Variants in POLD3 observed in about 807,000 individuals in gnomAD.
The protein encoded by POLD3 is DNA polymerase delta 3, accessory subunit, also known as DNA polymerase delta subunit 3.
A neutral mutation model predicts 58.2 loss-of-function variants in POLD3; 19 were observed. The ratio of observed to expected loss-of-function variants is 0.33; its 90% confidence interval spans 0.23 to 0.48. The LOEUF (loss-of-function observed/expected upper bound fraction) is 0.48, where lower values mean the gene tolerates loss of function less well. Ranked by LOEUF, POLD3 falls within the 20% of genes least tolerant of loss-of-function variation. POLD3 has a pLI of 0.99. For missense variants in POLD3, 504 were observed against 545.5 expected, an observed-to-expected ratio of 0.92 and a Z score of 0.76; for synonymous variants, 172 against 193.5, an observed-to-expected ratio of 0.89 and a Z score of 0.92.
At chr11:74,667,842 A>C (rs1268589923) in intron 4 of POLD3, among the ~76,000 whole-genome samples, 4 of 152,230 alleles carry the variant, frequency 2.6e-5, no homozygotes, top group African/African-American at 9.6e-5. Flanking sequence ...TATATCCAGA[A>C]TCTATAAAGA....
intron 3 of POLD3, among the ~76,000 whole-genome samples, chr11:74,608,009 C>G (rs1337549048): frequency 2.6e-5 from 4 of 152,052 alleles, no homozygotes; most frequent in Admixed American, 2.0e-4. Flanking sequence ...AGAGATTCTT[C>G]CAGAGGATTA....
chr11:74,609,457 C>G (rs1378012722), intron 3 of POLD3, among the ~76,000 whole-genome samples: 2 of 143,320 alleles, frequency 1.4e-5, no homozygotes, highest in African/African-American at 5.2e-5. Context: ...TCTCAGCTCA[C>G]TGCATCCTCT....
intron 5 of POLD3, among the ~76,000 whole-genome samples, chr11:74,615,621 G>A (rs1462029771): frequency 6.6e-6 from 1 of 152,152 alleles, no homozygotes; most frequent in Non-Finnish European, 1.5e-5. Flanking sequence ...GATTGAGACG[G>A]GAAGGATATA....
intron 9 of POLD3, among the ~76,000 whole-genome samples, chr11:74,629,586 C>CT (rs59268270): frequency 0.031 from 4,539 of 144,346 alleles, 113 homozygotes; most frequent in South Asian, 0.069. Flanking sequence ...CTTTTCTTTT[C>CT]TTTTTTTTTT....
Position 74,641,280 on chromosome 11 carries a change from A to G in POLD3, c.*514A>G. 3 of 985,428 alleles carry G rather than the reference A, an allele frequency of 3.0e-6. No individual in the cohort carries two copies. Among genetic ancestry groups the G allele is most frequent in the Non-Finnish European group, 3.6e-6 (3 of 830,012 alleles). 61.0% of individuals were successfully genotyped at this position (985,428 alleles called of 1,614,324 possible). On this transcript the variant is annotated 3_prime_UTR_variant, in exon 12 of 12. Coordinates refer to ENST00000263681, the MANE Select transcript of POLD3 (RefSeq NM_006591.3). ...GAGGCTGTTCTCTGTAAGTCTTTTA[A>G]GTTTTGGTTGGACTAAAGGCTGAAG... is the stretch of plus-strand genomic sequence containing the variant.
At chr11:74,657,505 T>G (rs900218980) in intron 4 of POLD3, among the ~76,000 whole-genome samples, 33 of 108,830 alleles carry the variant, frequency 3.0e-4, no homozygotes, top group African/African-American at 1.1e-3. Context: ...TGGTGACAAC[T>G]TAACACTGAT....
downstream of POLD3, among the ~76,000 whole-genome samples, chr11:74,646,104 C>T (rs1179445828): frequency 6.6e-6 from 1 of 152,058 alleles, no homozygotes; most frequent in Non-Finnish European, 1.5e-5. Flanking sequence ...TCCCGAGTAG[C>T]TGGGACTACA....
At chr11:74,615,065 G>T (rs2032042113) in intron 5 of POLD3, among the ~76,000 whole-genome samples, 1 of 152,150 alleles carries the variant, frequency 6.6e-6, no homozygotes. Context: ...TTATCAGAGA[G>T]AATGTATAGA....
At chr11:74,596,329 A>G (rs1170150673) in intron 2 of POLD3, among the ~76,000 whole-genome samples, 1 of 151,520 alleles carries the variant, frequency 6.6e-6, no homozygotes, top group Non-Finnish European at 1.5e-5. Flanking sequence ...GACTACAGGC[A>G]TGTGCCACCA....
At position 74,601,739 on chromosome 11, in the gene POLD3, G is replaced by A. The variant is rs75098923; in HGVS notation, c.117-2953G>A. ...GGAATTCAAGGTTATAGAGAGCTGC[G>A]CCACTGCACTTCAGCCTGGGCGACA... On this transcript the variant is annotated intron_variant, in intron 2 of 11. Coordinates refer to ENST00000263681, the MANE Select transcript of POLD3 (RefSeq NM_006591.3). Among the ~76,000 whole-genome samples the A allele has an allele frequency of 8.7e-3, 1,326 of 152,186 alleles. 28 individuals carry two copies. Among genetic ancestry groups the A allele is most frequent in the African/African-American group, 0.03 (1,247 of 41,520 alleles).
intron 2 of POLD3, 32 bp from the exon 3 acceptor site, chr11:74,604,660 G>A (rs990778543): frequency 1.5e-5 from 17 of 1,123,186 alleles, no homozygotes; most frequent in Non-Finnish European, 1.9e-5. Flanking sequence ...TCTTACTGAT[G>A]TCTTACTTGT....
At position 74,601,723 on chromosome 11, in the gene POLD3, G is replaced by C. The variant is rs140709217; in HGVS notation, c.117-2969G>C. 2.8e-3 allele frequency among the ~76,000 whole-genome samples: 427 copies of C among 152,280 alleles called. 2 individuals carry two copies. Among genetic ancestry groups the C allele is most frequent in the African/African-American group, 9.7e-3 (402 of 41,550 alleles). ...GGATGGCTTGAGCCCAGGAATTCAA[G>C]GTTATAGAGAGCTGCGCCACTGCAC... On this transcript the variant is annotated intron_variant, in intron 2 of 11. Coordinates refer to ENST00000263681, the MANE Select transcript of POLD3 (RefSeq NM_006591.3).
chr11:74,642,997 T>G lies in POLD3; in HGVS notation c.*2231T>G. Reference sequence around the variant, plus strand: ...TTGGCTTCATCACTTGCTAGCTGTATGACTGTGGGCAAGTTTCACAGCCTC... The same window carrying G: ...TTGGCTTCATCACTTGCTAGCTGTAGGACTGTGGGCAAGTTTCACAGCCTC... On this transcript the variant is annotated 3_prime_UTR_variant, in exon 12 of 12. Transcript: ENST00000263681. 1.1e-6 allele frequency: 1 copy of G among 918,376 alleles called. No individual in the cohort carries two copies. The highest frequency in any genetic ancestry group is 1.3e-6 in the Non-Finnish European group (1 of 768,794). The allele number at this position is 918,376 out of a possible 1,614,324, so 56.9% of individuals were successfully genotyped here.
At chr11:74,649,565 T>C (rs919454538) in intron 4 of POLD3, among the ~76,000 whole-genome samples, 1 of 152,202 alleles carries the variant, frequency 6.6e-6, no homozygotes, top group African/African-American at 2.4e-5. Flanking sequence ...TGCTGTGAAC[T>C]CCAAAGCTCA....
At chr11:74,636,017 T>C (rs2032739167) in intron 10 of POLD3, among the ~76,000 whole-genome samples, 180 bp from the exon 11 acceptor site, 1 of 152,254 alleles carries the variant, frequency 6.6e-6, no homozygotes, top group Non-Finnish European at 1.5e-5. Flanking sequence ...CCTGTGTATA[T>C]AGTGGGCGTA....
At chr11:74,664,863 G>GCCT (rs1391741500) in intron 4 of POLD3, among the ~76,000 whole-genome samples, 1 of 152,158 alleles carries the variant, frequency 6.6e-6, no homozygotes, top group Non-Finnish European at 1.5e-5. Context: ...ACTTTGAGAG[G>GCCT]CCTAGGTGGG....
intron 7 of POLD3, 149 bp downstream of exon 7, chr11:74,620,238 T>C: frequency 1.6e-6 from 1 of 635,742 alleles, no homozygotes; most frequent in African/African-American, 1.8e-5. Context: ...GCCCAATATA[T>C]TGATGAAAGT....
At position 74,641,465 on chromosome 11, in the gene POLD3, A is replaced by C; in HGVS notation, c.*699A>C. 1.0e-6 allele frequency: 1 copy of C among 985,452 alleles called. No homozygotes were observed. The highest frequency in any genetic ancestry group is 1.2e-6 in the Non-Finnish European group (1 of 829,950). The allele number at this position is 985,452 out of a possible 1,614,324, so 61.0% of individuals were successfully genotyped here. A position where few individuals can be genotyped will look rare whatever the true frequency, so the allele number is the denominator to read the frequency against. The stretch of plus-strand genomic sequence containing the variant: ...AAAGCCTCAGGCAGAACACAAATAG[A>C]AATTTAATGATGTGTTCAACTCCAC... On this transcript the variant is annotated 3_prime_UTR_variant, in exon 12 of 12. Coordinates refer to ENST00000263681, the MANE Select transcript of POLD3 (RefSeq NM_006591.3).
chr11:74,639,551 T>C (rs1411932614), intron 11 of POLD3, among the ~76,000 whole-genome samples: 1 of 152,250 alleles, frequency 6.6e-6, no homozygotes, highest in Non-Finnish European at 1.5e-5. Context: ...GAGAAAGAAT[T>C]TAGATAGCAT....
Sources: gnomAD v4.1 joint callset for allele counts (sites outside exome capture counted in the v4.1 genomes callset) on GRCh38, gnomAD v4.1.1 for gene constraint, MANE v1.5 for transcripts, NCBI Gene and HGNC (gene_info 2026-07-23, HGNC 2026-07-21) for gene names.